Variants in MORC1 observed in about 807,000 individuals in gnomAD.
MORC1 encodes the protein MORC family CW-type zinc finger 1, also known as MORC family CW-type zinc finger protein 1.
In MORC1, 59 loss-of-function variants were observed where a neutral mutation model predicts 134.9. That is an observed-to-expected ratio of 0.44 (90% confidence interval 0.35 to 0.54). MORC1 has a LOEUF of 0.54. MORC1 is among the 20% of genes least tolerant of loss of function. MORC1 has a pLI of 0.00. For synonymous variants in MORC1, 395 were observed against 391.7 expected (o/e 1.01, Z -0.10); for missense variants, 947 against 1,134.5 (o/e 0.83, Z 2.37).
rs116329792 is a variant in MORC1, at chr3:109,060,662, T to G, written c.967-792A>C. Reference sequence around the variant, plus strand: ...ATTCCATTTAAAATTCATCTTCCCATAAGAATTTAAGACGTCAAAAGTTCA... The same window carrying G: ...ATTCCATTTAAAATTCATCTTCCCAGAAGAATTTAAGACGTCAAAAGTTCA... On this transcript the variant is annotated intron_variant, in intron 11 of 27. Coordinates refer to ENST00000232603, the MANE Select transcript of MORC1 (RefSeq NM_014429.4). Among the ~76,000 whole-genome samples the G allele has an allele frequency of 5.1e-3, 779 of 152,240 alleles. 18 individuals carry two copies. The highest frequency in any genetic ancestry group is 0.018 in the African/African-American group (748 of 41,548).
At chr3:109,091,756 T>C (rs1280919951) in intron 8 of MORC1, among the ~76,000 whole-genome samples, 1 of 152,150 alleles carries the variant, frequency 6.6e-6, no homozygotes, top group African/African-American at 2.4e-5. Flanking sequence ...TTTAAAGGCT[T>C]TTCTTGTGAT....
At chr3:108,971,765 G>T (rs1947387007) in intron 24 of MORC1, among the ~76,000 whole-genome samples, 1 of 133,162 alleles carries the variant, frequency 7.5e-6, no homozygotes, top group Non-Finnish European at 1.6e-5. Flanking sequence ...AACTTAATGT[G>T]AACATACATT....
At chr3:109,092,858 C>G (rs1465732013) in intron 8 of MORC1, among the ~76,000 whole-genome samples, 1 of 152,102 alleles carries the variant, frequency 6.6e-6, no homozygotes, top group African/African-American at 2.4e-5. Flanking sequence ...CAGGCTCGAG[C>G]TAAGTTGTAA....
chr3:109,025,475 A>C (rs193083509), intron 17 of MORC1, among the ~76,000 whole-genome samples: 1 of 135,174 alleles, frequency 7.4e-6, no homozygotes, highest in Admixed American at 8.7e-5. Context: ...TCTGCCTCCC[A>C]GGTTCAAAGG....
chr3:109,041,571 G>A (rs372642810), intron 14 of MORC1, among the ~76,000 whole-genome samples: 7 of 152,010 alleles, frequency 4.6e-5, no homozygotes, highest in East Asian at 3.9e-4. Context: ...AAATTAGCCC[G>A]GGCGCCATGG....
At chr3:109,050,842 C>T (rs941569651) in intron 14 of MORC1, among the ~76,000 whole-genome samples, 34 of 152,050 alleles carry the variant, frequency 2.2e-4, no homozygotes, top group African/African-American at 7.7e-4. Context: ...TGAGAGTGAG[C>T]GGATTAAAGG....
At chr3:109,117,954 G>A (rs764236250) in intron 1 of MORC1, 41 bp downstream of exon 1, 5 of 1,497,522 alleles carry the variant, frequency 3.3e-6, no homozygotes, top group Admixed American at 1.9e-5. Context: ...CATGGCGGGC[G>A]CAGAGACCCT....
Position 109,000,643 on chromosome 3 carries a change from T to G in MORC1, c.2101A>C (p.Met701Leu), listed in dbSNP as rs1948379333. ...LKNAQAASWE[M>L]KRKQSLNFVE... is the part of the protein sequence containing the mutation. ...AAGTTCAGACTCTGCTTCCTTTTCA[T>G]TTCCCAAGAAGCGGCCTATAACAAG... The change falls in exon 21 of 28, where the codon ATG (methionine) becomes CTG (leucine). Residue 701 changes from methionine to leucine, a missense_variant. Around this residue, in one of 3 missense-constraint regions of MORC1, gnomAD observed 722 missense variants for 817.0 expected, o/e 0.88. Coordinates refer to ENST00000232603, the MANE Select transcript of MORC1 (RefSeq NM_014429.4). The G allele has an allele frequency of 6.2e-7, 1 of 1,609,966 alleles. No individual in the cohort carries two copies. The highest frequency in any genetic ancestry group is 8.5e-7 in the Non-Finnish European group (1 of 1,178,548).
chr3:108,978,172 C>T (rs991472221), intron 24 of MORC1, among the ~76,000 whole-genome samples: 5 of 152,192 alleles, frequency 3.3e-5, no homozygotes, highest in Admixed American at 2.0e-4. Flanking sequence ...CCACTGCGCC[C>T]GGCCAAGGCC....
chr3:108,991,081 G>A (rs1287463453), intron 21 of MORC1, among the ~76,000 whole-genome samples: 3 of 152,208 alleles, frequency 2.0e-5, no homozygotes, highest in Non-Finnish European at 4.4e-5. Flanking sequence ...AGTGGGGTCT[G>A]TAGCCTCAAA....
At chr3:109,058,487 G>A (rs566727704) in intron 12 of MORC1, among the ~76,000 whole-genome samples, 25 of 152,056 alleles carry the variant, frequency 1.6e-4, no homozygotes, top group Non-Finnish European at 2.6e-4. Flanking sequence ...TTATGACCAC[G>A]TGCTATTATA....
chr3:108,971,553 T>C, intron 24 of MORC1, 151 bp from the exon 25 acceptor site: 1 of 650,800 alleles, frequency 1.5e-6, no homozygotes, highest in Non-Finnish European at 2.6e-6. Flanking sequence ...ATCACTGACA[T>C]CAAAGTGTTC....
At chr3:109,031,797 C>T (rs949958807) in intron 16 of MORC1, among the ~76,000 whole-genome samples, 1 of 152,080 alleles carries the variant, frequency 6.6e-6, no homozygotes, top group Non-Finnish European at 1.5e-5. Context: ...GACAGTTTTG[C>T]ATTTATCTAC....
At chr3:109,099,105 C>T (rs1444359648) in intron 6 of MORC1, among the ~76,000 whole-genome samples, 1 of 152,184 alleles carries the variant, frequency 6.6e-6, no homozygotes, top group Non-Finnish European at 1.5e-5. Flanking sequence ...AAAAGCTCAT[C>T]ATGTCTAAGG....
intron 17 of MORC1, among the ~76,000 whole-genome samples, chr3:109,024,809 G>C (rs1949036652): frequency 6.6e-6 from 1 of 152,176 alleles, no homozygotes; most frequent in Admixed American, 6.5e-5. Flanking sequence ...GCCAGTTCTT[G>C]ATTTTTTCAG....
intron 26 of MORC1, among the ~76,000 whole-genome samples, chr3:108,965,997 A>C (rs545859411): frequency 1.2e-4 from 18 of 152,280 alleles, no homozygotes; most frequent in Non-Finnish European, 1.9e-4. Context: ...TCTCTCCAGG[A>C]GGTTCTGCTA....
intron 9 of MORC1, among the ~76,000 whole-genome samples, chr3:109,067,116 G>A (rs2107699664): frequency 6.6e-6 from 1 of 152,210 alleles, no homozygotes; most frequent in East Asian, 1.9e-4. Context: ...TAGCGTTAAT[G>A]TCCCAGAATA....
rs1045309346 is a variant in MORC1, at chr3:109,059,793, C to T, written c.1031+13G>A. On this transcript the variant is annotated intron_variant, in intron 12 of 27. Transcript: ENST00000232603. ...ACAGAGGATTCCTGCAAACAGAAAA[C>T]CTTGTGTCTTACCTTTGTTTCTCTT... 5.6e-6 allele frequency: 9 copies of T among 1,608,490 alleles called. No homozygotes were observed. Among genetic ancestry groups the T allele is most frequent in the Admixed American group, 1.7e-5 (1 of 59,512 alleles).
rs139117825 is a variant in MORC1 at position 108,996,140 on chromosome 3, A to G, written c.2187+4417T>C. ...CATCTGTAAAATAGGGGTGAAAAGAATACTTGCCTCTCAGGTTATGAAGAG... is the reference window on the plus strand; with the variant it reads ...CATCTGTAAAATAGGGGTGAAAAGAGTACTTGCCTCTCAGGTTATGAAGAG... On this transcript the variant is annotated intron_variant, in intron 21 of 27. Coordinates refer to ENST00000232603, the MANE Select transcript of MORC1 (RefSeq NM_014429.4). Among the ~76,000 whole-genome samples, 86 of 152,302 alleles carry G rather than the reference A, an allele frequency of 5.6e-4. 1 individual carries two copies. In the East Asian group the frequency reaches 0.015, roughly 26 times the overall value.
Sources: gnomAD v4.1 joint callset for allele counts (sites outside exome capture counted in the v4.1 genomes callset) on GRCh38, gnomAD v4.1.1 for gene constraint, gnomAD v4.1.1 regional missense constraint, MANE v1.5 for transcripts, NCBI Gene and HGNC (gene_info 2026-07-23, HGNC 2026-07-21) for gene names.